The following MACROD2 variants were observed in gnomAD, a reference collection of about 807,000 sequenced individuals.
MACROD2 encodes mono-ADP ribosylhydrolase 2.
In MACROD2, 36 loss-of-function variants were observed where a neutral mutation model predicts 70.4. That is an observed-to-expected ratio of 0.51 (90% confidence interval 0.39 to 0.68). The LOEUF (loss-of-function observed/expected upper bound fraction) is 0.68. Ranked by LOEUF, MACROD2 falls within the 30% of genes least tolerant of loss-of-function variation. The probability of loss-of-function intolerance (pLI) is 0.00; values close to 1 mark genes in which losing one functional copy is unlikely to be tolerated. For synonymous variants in MACROD2, 172 were observed against 178.8 expected (o/e 0.96, Z 0.30); for missense variants, 496 against 538.4 (o/e 0.92, Z 0.78).
chr20:14,684,594 T>G (rs934007145), intron 4 of MACROD2, among the ~76,000 whole-genome samples: 2 of 151,980 alleles, frequency 1.3e-5, no homozygotes, highest in African/African-American at 4.8e-5. Flanking sequence ...AACCTGTTGT[T>G]TAACTAGCAC....
At chr20:14,135,916 C>T (rs945280078) in intron 3 of MACROD2, among the ~76,000 whole-genome samples, 1 of 152,176 alleles carries the variant, frequency 6.6e-6, no homozygotes, top group East Asian at 1.9e-4. Flanking sequence ...ATGCTTTCTC[C>T]CTTAGATTGG....
intron 5 of MACROD2, among the ~76,000 whole-genome samples, chr20:15,030,065 G>C (rs2122992813): frequency 7.3e-6 from 1 of 136,304 alleles, no homozygotes; most frequent in South Asian, 2.3e-4. Context: ...TGGTGACAGA[G>C]CAAGACTCCG....
At chr20:16,049,240 A>G (rs1342466416) in intron 17 of MACROD2, among the ~76,000 whole-genome samples, 1 of 152,058 alleles carries the variant, frequency 6.6e-6, no homozygotes, top group African/African-American at 2.4e-5. Context: ...ATTTTTCAAA[A>G]CAGATTGAAA....
chr20:14,838,264 T>C (rs1454520958), intron 5 of MACROD2, among the ~76,000 whole-genome samples: 1 of 152,100 alleles, frequency 6.6e-6, no homozygotes, highest in East Asian at 1.9e-4. Context: ...GCTAGAAACT[T>C]GTAATTAATA....
chr20:14,789,219 GA>G (rs1237336195), intron 5 of MACROD2, among the ~76,000 whole-genome samples: 8 of 151,288 alleles, frequency 5.3e-5, no homozygotes, highest in Admixed American at 6.6e-5. Context: ...TATTCAACCA[GA>G]AAAAAAAGTT....
At chr20:14,527,722 A>G (rs934632754) in intron 4 of MACROD2, among the ~76,000 whole-genome samples, 1 of 152,212 alleles carries the variant, frequency 6.6e-6, no homozygotes, top group Non-Finnish European at 1.5e-5. Flanking sequence ...GTACATGTCT[A>G]GAAAACTATT....
chr20:15,934,954 G>A (rs1384848879), intron 11 of MACROD2, among the ~76,000 whole-genome samples: 3 of 151,990 alleles, frequency 2.0e-5, no homozygotes, highest in African/African-American at 7.3e-5. Context: ...CTCCCAAAGT[G>A]CTGTGATTAC....
In MACROD2 at chr20:14,925,051, C is replaced by G. The variant is rs1034656518; in HGVS notation, c.418+240092C>G. Among the ~76,000 whole-genome samples the G allele has an allele frequency of 4.0e-5, 6 of 151,716 alleles. No homozygotes were observed. The South Asian group carries it at 6.3e-4, about 16-fold the overall frequency. On this transcript the variant is annotated intron_variant, in intron 5 of 17. Coordinates refer to ENST00000684519, the MANE Select transcript of MACROD2 (RefSeq NM_001351661.2). ...TTCTTATTCACTTCTCCTCATCAGGCAGGTGGTTGAAACTACGTAATGCTT... is the reference window on the plus strand; with the variant it reads ...TTCTTATTCACTTCTCCTCATCAGGGAGGTGGTTGAAACTACGTAATGCTT...
At chr20:14,640,680 A>G (rs959162851) in intron 4 of MACROD2, among the ~76,000 whole-genome samples, 1 of 152,224 alleles carries the variant, frequency 6.6e-6, no homozygotes, top group African/African-American at 2.4e-5. Context: ...TAAGTTATGC[A>G]ATTTTTTTGG....
chr20:15,078,734 A>G (rs1601038308), intron 5 of MACROD2, among the ~76,000 whole-genome samples: 1 of 141,970 alleles, frequency 7.0e-6, no homozygotes, highest in Non-Finnish European at 1.5e-5. Flanking sequence ...GCAATCTTCG[A>G]CTCCTGGGTT....
chr20:15,930,427 T>C (rs778648436), intron 10 of MACROD2, among the ~76,000 whole-genome samples: 2 of 152,188 alleles, frequency 1.3e-5, no homozygotes, highest in African/African-American at 2.4e-5. Context: ...AATACTAATC[T>C]AATTGCCCAA....
At chr20:14,645,147 A>G (rs1260346799) in intron 4 of MACROD2, among the ~76,000 whole-genome samples, 9 of 152,088 alleles carry the variant, frequency 5.9e-5, no homozygotes, top group Non-Finnish European at 1.0e-4. Flanking sequence ...TTTTTTCTTC[A>G]CTTAAATTAC....
intron 3 of MACROD2, among the ~76,000 whole-genome samples, chr20:14,319,259 G>A (rs2082638577): frequency 6.6e-6 from 1 of 151,986 alleles, no homozygotes; most frequent in Admixed American, 6.6e-5. Flanking sequence ...CTCCTAGCTA[G>A]TGATTCTTGT....
intron 13 of MACROD2, 48 bp downstream of exon 13, chr20:15,967,678 A>G: frequency 8.3e-7 from 1 of 1,209,220 alleles, no homozygotes; most frequent in Non-Finnish European, 1.1e-6. Flanking sequence ...CTGCTGGGAA[A>G]CAGAAAAAAA....
At chr20:15,662,603 A>T (rs1395575715) in intron 8 of MACROD2, among the ~76,000 whole-genome samples, 1 of 152,084 alleles carries the variant, frequency 6.6e-6, no homozygotes. Context: ...CTTATATACA[A>T]GCATGCTAAG....
intron 2 of MACROD2, among the ~76,000 whole-genome samples, chr20:14,043,321 A>G (rs1203618604): frequency 2.6e-5 from 4 of 152,334 alleles, no homozygotes; most frequent in East Asian, 1.9e-4. Context: ...GGCTTACAGA[A>G]CACAGGGATA....
intron 3 of MACROD2, among the ~76,000 whole-genome samples, chr20:14,233,681 A>G (rs1344220547): frequency 7.2e-6 from 1 of 138,018 alleles, no homozygotes; most frequent in African/African-American, 2.8e-5. Flanking sequence ...TGGGCGACAG[A>G]GCGAGACTCC....
At chr20:15,472,689 C>G (rs1018910745) in intron 7 of MACROD2, among the ~76,000 whole-genome samples, 6 of 152,102 alleles carry the variant, frequency 3.9e-5, no homozygotes, top group African/African-American at 1.4e-4. Flanking sequence ...TGCTATCATC[C>G]AAGTTTATTC....
intron 5 of MACROD2, among the ~76,000 whole-genome samples, chr20:14,834,976 T>G (rs2073012955): frequency 6.6e-6 from 1 of 151,982 alleles, no homozygotes; most frequent in African/African-American, 2.4e-5. Context: ...TACATACATA[T>G]GTATATATGT....
Sources: allele counts gnomAD v4.1 joint callset (sites outside exome capture counted in the v4.1 genomes callset), GRCh38; gene constraint gnomAD v4.1.1; transcripts MANE v1.5; gene names NCBI Gene and HGNC (gene_info 2026-07-23, HGNC 2026-07-21).